TBC1D2B: variants seen among roughly 807,000 people sequenced by gnomAD.
TBC1D2B encodes TBC1 domain family member 2B, also known as TBC1 domain family, member 2B.
In TBC1D2B, 64 loss-of-function variants were observed where a neutral mutation model predicts 100.8. The ratio of observed to expected loss-of-function variants is 0.64; its 90% CI spans 0.52 to 0.78. The LOEUF (loss-of-function observed/expected upper bound fraction) is 0.78, where lower values mean the gene tolerates loss of function less well. TBC1D2B is among the 30% of genes least tolerant of loss of function. TBC1D2B has a pLI of 0.00. For synonymous variants in TBC1D2B, 480 were observed against 479.7 expected, an observed-to-expected ratio of 1.00 and a Z score of -0.01; for missense variants, 1,052 against 1,218.4, an observed-to-expected ratio of 0.86 and a Z score of 2.03.
intron 10 of TBC1D2B, 89 bp from the exon 11 acceptor site, chr15:78,003,579 G>T: frequency 1.0e-6 from 1 of 968,284 alleles, no homozygotes; most frequent in Non-Finnish European, 1.6e-6. Flanking sequence ...AGAGCCTGGG[G>T]GTGGAGCCCA....
chr15:78,027,700 C>T (rs2072706322), intron 4 of TBC1D2B, among the ~76,000 whole-genome samples: 1 of 152,260 alleles, frequency 6.6e-6, no homozygotes, highest in Admixed American at 6.5e-5. Flanking sequence ...TCTTCCTCCC[C>T]AGTCCTGCTC....
chr15:78,068,943 G>A (rs909282970), intron 1 of TBC1D2B, among the ~76,000 whole-genome samples: 31 of 152,194 alleles, frequency 2.0e-4, no homozygotes, highest in Non-Finnish European at 3.4e-4. Context: ...TACCAGAACC[G>A]AAAATTGCTA....
chr15:78,056,684 CTCTTT>C (rs2073428742), intron 1 of TBC1D2B, among the ~76,000 whole-genome samples: 2 of 121,566 alleles, frequency 1.6e-5, no homozygotes, highest in African/African-American at 6.2e-5. Flanking sequence ...CCCAGTCCTC[CTCTTT>C]TTTTTTTTTT....
intron 6 of TBC1D2B, among the ~76,000 whole-genome samples, chr15:78,020,699 C>G (rs56357772): frequency 0.14 from 21,643 of 152,184 alleles, 1,812 homozygotes; most frequent in Non-Finnish European, 0.19. Context: ...TCCACATCCC[C>G]TTCCCTCCTG....
Position 78,077,591 on chromosome 15 carries a change from C to T in TBC1D2B, c.62G>A (p.Gly21Glu). ...ACCCGCCCCGGGCTCCGCGGCCGCC[C>T]CCTGCGCCGCGCCCTCGCCGCCGCC... ...GGGGGEGAAQ[G>E]AAAEPGAGPA... is the part of the protein sequence containing the mutation. The change falls in exon 1 of 13, where the codon GGG becomes GAG. Residue 21 changes from glycine to glutamate, a missense_variant. Physicochemically the swap from Gly to Glu is moderately conservative, Grantham distance 98. Around this residue, in one of 4 missense-constraint regions of TBC1D2B, gnomAD observed 627 missense variants for 646.1 expected, o/e 0.97. Transcript: ENST00000300584. 8.4e-7 allele frequency: 1 copy of T among 1,187,964 alleles called. No homozygotes were observed. Among genetic ancestry groups the T allele is most frequent in the East Asian group, 3.5e-5 (1 of 28,208 alleles). 73.6% of individuals were successfully genotyped at this position (1,187,964 alleles called of 1,614,324 possible).
chr15:78,041,325 G>A (rs761386673), intron 3 of TBC1D2B, among the ~76,000 whole-genome samples: 1 of 152,214 alleles, frequency 6.6e-6, no homozygotes, highest in Non-Finnish European at 1.5e-5. Context: ...AACAAACCCA[G>A]CTGATTCTTG....
intron 4 of TBC1D2B, among the ~76,000 whole-genome samples, chr15:78,029,592 T>C (rs948561611): frequency 7.2e-5 from 11 of 152,208 alleles, no homozygotes; most frequent in African/African-American, 2.7e-4. Flanking sequence ...TGACAGTGGG[T>C]GCAGGGAGGT....
intron 1 of TBC1D2B, among the ~76,000 whole-genome samples, chr15:78,061,097 T>G (rs1596328961): frequency 7.4e-6 from 1 of 135,994 alleles, no homozygotes; most frequent in African/African-American, 2.8e-5. Flanking sequence ...AATATAAATT[T>G]ACCAGGTGTG....
chr15:78,046,921 T>A (rs2073207742), intron 2 of TBC1D2B, among the ~76,000 whole-genome samples: 7 of 152,190 alleles, frequency 4.6e-5, no homozygotes, highest in Admixed American at 4.6e-4. Context: ...GAATGCCACA[T>A]GATGGGCCTG....
chr15:78,008,058 G>A lies in TBC1D2B; in HGVS notation c.2388+939C>T, dbSNP rs568365182. Among the ~76,000 whole-genome samples the A allele has an allele frequency of 3.3e-5, 5 of 152,368 alleles. No homozygotes were observed. In the East Asian group the frequency reaches 7.7e-4, roughly 24 times the overall value. On this transcript the variant is annotated intron_variant, in intron 10 of 12. Transcript: ENST00000300584. ...GACACGAGACAGGGCAGGCACACACGGGGACAGCTGTGGCTAAGAGAGAAG... is the reference window on the plus strand; with the variant it reads ...GACACGAGACAGGGCAGGCACACACAGGGACAGCTGTGGCTAAGAGAGAAG...
At chr15:78,020,622 T>A (rs940211175) in intron 6 of TBC1D2B, among the ~76,000 whole-genome samples, 3 of 152,206 alleles carry the variant, frequency 2.0e-5, no homozygotes, top group Non-Finnish European at 4.4e-5. Flanking sequence ...AGTGGTGATC[T>A]GGGTTTGAAT....
intron 2 of TBC1D2B, among the ~76,000 whole-genome samples, chr15:78,053,366 TTTTG>T (rs146938068): frequency 3.9e-5 from 6 of 152,160 alleles, no homozygotes; most frequent in East Asian, 1.9e-4. Flanking sequence ...CAGGAGGCTG[TTTTG>T]TTTGTTTGTT....
At chr15:78,046,795 AG>A (rs1314396979) in intron 2 of TBC1D2B, among the ~76,000 whole-genome samples, 1 of 152,208 alleles carries the variant, frequency 6.6e-6, no homozygotes, top group Admixed American at 6.5e-5. Context: ...TTCTAATCAG[AG>A]AAGCACACAA....
At chr15:78,007,088 G>C (rs1440865673) in intron 10 of TBC1D2B, among the ~76,000 whole-genome samples, 1 of 152,244 alleles carries the variant, frequency 6.6e-6, no homozygotes, top group Non-Finnish European at 1.5e-5. Context: ...GGCTGCACAG[G>C]AGCTTCCCAG....
At position 78,024,467 on chromosome 15, in the gene TBC1D2B, A is replaced by G. The variant is rs777532471; in HGVS notation, c.1159T>C (p.Cys387Arg). 2.0e-5 allele frequency: 33 copies of G among 1,613,950 alleles called. No individual in the cohort carries two copies. Among genetic ancestry groups the G allele is most frequent in the Admixed American group, 1.7e-4 (10 of 60,012 alleles). The change falls in exon 6 of 13, where the codon TGT (cysteine) becomes CGT (arginine). Residue 387 changes from cysteine (C) to arginine (R), a missense_variant. Coordinates refer to ENST00000300584, the MANE Select transcript of TBC1D2B (RefSeq NM_144572.2). ...AGCGTGTCCTTTGGGACCCCCTCAC[A>G]GAGCCGGCTGCTTGTGAAATACTTG... ...YDKYFTSSRL[C>R]EGVPKDTLEL...
At position 78,007,599 on chromosome 15, in the gene TBC1D2B, G is replaced by A. The variant is rs528210547; in HGVS notation, c.2388+1398C>T. ...AGAAATGCGAATGCAAAGAACACTT[G>A]CTCAGGGTCCAGCCAGGAAAACAGA... On this transcript the variant is annotated intron_variant, in intron 10 of 12. Transcript: ENST00000300584. 3.3e-5 allele frequency among the ~76,000 whole-genome samples: 5 copies of A among 152,338 alleles called. No homozygotes were observed. In the South Asian group the frequency reaches 1.0e-3, roughly 32 times the overall value.
Position 78,017,877 on chromosome 15 carries a change from T to C in TBC1D2B, c.1551A>G (p.Ala517=). ...ILELSALRRN[A]ERRERDLMAK... ...CCATCAGATCCCTCTCTCTCCTTTC[T>C]GCATTTCTTCGTAGAGCTGAGAGTT... is the stretch of plus-strand genomic sequence containing the variant. The change falls in exon 7 of 13, where the codon GCA becomes GCG. Residue 517 remains alanine, a synonymous_variant. Transcript: ENST00000300584. 2 of 1,612,284 alleles carry C rather than the reference T, an allele frequency of 1.2e-6. No homozygotes were observed. The highest frequency in any genetic ancestry group is 1.7e-6 in the Non-Finnish European group (2 of 1,179,096).
intron 2 of TBC1D2B, among the ~76,000 whole-genome samples, chr15:78,046,000 C>G (rs1281676529): frequency 1.3e-5 from 2 of 152,034 alleles, no homozygotes; most frequent in African/African-American, 4.8e-5. Flanking sequence ...GGCGCGGTCT[C>G]GGCTCACTGC....
At chr15:78,042,813 C>A (rs886271914) in intron 3 of TBC1D2B, among the ~76,000 whole-genome samples, 2 of 152,222 alleles carry the variant, frequency 1.3e-5, no homozygotes, top group African/African-American at 4.8e-5. Flanking sequence ...TCGTTGAGAA[C>A]CTCAAATATC....
Sources: allele counts gnomAD v4.1 joint callset (sites outside exome capture counted in the v4.1 genomes callset), GRCh38; gene constraint gnomAD v4.1.1; regional missense constraint gnomAD v4.1.1; transcripts MANE v1.5; gene names NCBI Gene and HGNC (gene_info 2026-07-23, HGNC 2026-07-21).